EFL1: variants seen among roughly 807,000 people sequenced by gnomAD.
The protein encoded by EFL1 is elongation factor like GTPase 1, also known as elongation factor-like GTPase 1.
Under a neutral mutation model 126.7 loss-of-function variants are expected in EFL1, and 76 were observed. That is an observed-to-expected ratio of 0.60 (90% CI 0.50 to 0.73). The LOEUF (loss-of-function observed/expected upper bound fraction) is 0.73. Ranked by LOEUF, EFL1 falls within the 30% of genes least tolerant of loss-of-function variation. The pLI, the probability that EFL1 is intolerant of heterozygous loss-of-function variation, is 0.00. For synonymous variants in EFL1, 410 were observed against 448.4 expected (o/e 0.91, Z 1.08); for missense variants, 1,128 against 1,343.2 (o/e 0.84, Z 2.50).
intron 15 of EFL1, among the ~76,000 whole-genome samples, chr15:82,194,736 C>T (rs1336300203): frequency 1.3e-5 from 2 of 152,140 alleles, no homozygotes; most frequent in Non-Finnish European, 2.9e-5. Flanking sequence ...CGTTGTAAGG[C>T]CTCCCTAGTT....
intron 18 of EFL1, among the ~76,000 whole-genome samples, chr15:82,140,487 T>A (rs1472476841): frequency 2.0e-5 from 3 of 152,334 alleles, no homozygotes; most frequent in East Asian, 3.9e-4. Context: ...CTCCTGAACT[T>A]CTTCTTATGA....
chr15:82,244,777 A>G (rs372070868), intron 4 of EFL1, among the ~76,000 whole-genome samples: 81 of 152,266 alleles, frequency 5.3e-4, no homozygotes, highest in African/African-American at 1.9e-3. Context: ...TGTCACTAGG[A>G]CCTGCCAAAA....
intron 19 of EFL1, among the ~76,000 whole-genome samples, chr15:82,134,806 G>C (rs150174958): frequency 6.6e-6 from 1 of 152,246 alleles, no homozygotes; most frequent in Admixed American, 6.5e-5. Flanking sequence ...TTCATAGAAG[G>C]GTAAAACATA....
At chr15:82,198,587 G>A (rs1252904832) in intron 15 of EFL1, among the ~76,000 whole-genome samples, 2 of 152,130 alleles carry the variant, frequency 1.3e-5, no homozygotes, top group African/African-American at 4.8e-5. Flanking sequence ...GGGCACAGAG[G>A]GTACTGAAAA....
Position 82,151,800 on chromosome 15 carries a change from T to A in EFL1, c.2654A>T (p.Glu885Val). The A allele has an allele frequency of 6.2e-7, 1 of 1,614,108 alleles. No individual in the cohort carries two copies. Among genetic ancestry groups the A allele is most frequent in the South Asian group, 1.1e-5 (1 of 91,074 alleles). The change falls in exon 18 of 20, where the codon GAG becomes GTG. Residue 885 changes from glutamate to valine, a missense_variant. Physicochemically the swap from Glu to Val is moderately radical, Grantham distance 121. Around this residue, in one of 6 missense-constraint regions of EFL1, gnomAD observed 561 missense variants for 641.7 expected, o/e 0.87. Coordinates refer to ENST00000268206, the MANE Select transcript of EFL1 (RefSeq NM_024580.6). ...AACAAAACAGACACCCATGAGAGGC[T>A]CCTCACACATGGGGCCAGAGAGGGT... ...LATLSGPMCE[E>V]PLMGVCFVLE...
intron 12 of EFL1, among the ~76,000 whole-genome samples, chr15:82,221,808 C>T (rs144923527): frequency 0.017 from 2,649 of 152,292 alleles, 98 homozygotes; most frequent in Admixed American, 0.07. Context: ...CTTTCAAATA[C>T]AGAATGAACT....
At chr15:82,173,907 G>C (rs887471753) in intron 15 of EFL1, among the ~76,000 whole-genome samples, 25 of 151,710 alleles carry the variant, frequency 1.6e-4, no homozygotes, top group Non-Finnish European at 3.4e-4. Flanking sequence ...AAATACATTT[G>C]GGCCAGGCGC....
chr15:82,197,239 T>C (rs940319740), intron 15 of EFL1, among the ~76,000 whole-genome samples: 2 of 152,188 alleles, frequency 1.3e-5, no homozygotes, highest in Non-Finnish European at 2.9e-5. Context: ...CTAAAAAAAA[T>C]GTTCCTCTTT....
At chr15:82,204,461 G>T (rs2074503557) in intron 15 of EFL1, among the ~76,000 whole-genome samples, 3 of 151,822 alleles carry the variant, frequency 2.0e-5, no homozygotes, top group African/African-American at 7.3e-5. Flanking sequence ...ATCAATTTAT[G>T]GGCGTAAGAG....
rs1452841525 is a variant in EFL1 at position 82,227,467 on chromosome 15, G to C, written c.1175C>G (p.Thr392Ser). Residue 392 changes from threonine to serine, a missense_variant, in exon 11 of 20, where the codon ACT (threonine) becomes AGT (serine). Around this residue, in one of 6 missense-constraint regions of EFL1, gnomAD observed 316 missense variants for 318.5 expected, o/e 0.99. Coordinates refer to ENST00000268206, the MANE Select transcript of EFL1 (RefSeq NM_024580.6). ...TTCCTCACCTGCTTTCAGTGCTTGA[G>C]TTTCTGGTGGAAAAGAGTCAAAAGT... ...SQTFDSFPPE[T>S]QALKAAFMKC... The C allele has an allele frequency of 6.2e-7, 1 of 1,613,996 alleles. No individual in the cohort carries two copies. The highest frequency in any genetic ancestry group is 8.5e-7 in the Non-Finnish European group (1 of 1,180,006).
chr15:82,250,032 G>A (rs1373004831), intron 4 of EFL1, among the ~76,000 whole-genome samples: 3 of 152,038 alleles, frequency 2.0e-5, no homozygotes, highest in Non-Finnish European at 4.4e-5. Flanking sequence ...ATTCGAAGTG[G>A]GTGAGAAGGA....
At chr15:82,226,616 G>A (rs1324130310) in intron 11 of EFL1, among the ~76,000 whole-genome samples, 2 of 152,184 alleles carry the variant, frequency 1.3e-5, no homozygotes, top group Non-Finnish European at 2.9e-5. Flanking sequence ...CAGTTGAGAT[G>A]CTTCTTAGAC....
intron 12 of EFL1, among the ~76,000 whole-genome samples, chr15:82,222,082 A>G (rs2074717965): frequency 6.6e-6 from 1 of 152,258 alleles, no homozygotes; most frequent in Non-Finnish European, 1.5e-5. Flanking sequence ...TTTTATTATT[A>G]GAGTAGGAAG....
chr15:82,186,651 G>C (rs1252249180), intron 15 of EFL1, among the ~76,000 whole-genome samples: 1 of 152,154 alleles, frequency 6.6e-6, no homozygotes, highest in Non-Finnish European at 1.5e-5. Flanking sequence ...TTTAACAACT[G>C]GTTAACAAAT....
chr15:82,211,777 C>G (rs1391503479), intron 15 of EFL1, among the ~76,000 whole-genome samples: 4 of 152,108 alleles, frequency 2.6e-5, no homozygotes, highest in Admixed American at 2.0e-4. Context: ...AAAAGTAATT[C>G]TATGACTTTG....
chr15:82,206,130 G>C (rs1250929004), intron 15 of EFL1, among the ~76,000 whole-genome samples: 1 of 151,976 alleles, frequency 6.6e-6, no homozygotes, highest in Non-Finnish European at 1.5e-5. Flanking sequence ...ATGATAAAGA[G>C]AATATAGCAT....
At chr15:82,258,471 A>G (rs2075085167) in intron 3 of EFL1, among the ~76,000 whole-genome samples, 1 of 152,158 alleles carries the variant, frequency 6.6e-6, no homozygotes, top group South Asian at 2.1e-4. Flanking sequence ...GGATCACCTG[A>G]GCCCAACAGG....
At chr15:82,249,324 T>C (rs2075000707) in intron 4 of EFL1, among the ~76,000 whole-genome samples, 1 of 151,454 alleles carries the variant, frequency 6.6e-6, no homozygotes, top group Non-Finnish European at 1.5e-5. Context: ...GAAATATACA[T>C]ACATATATAC....
Position 82,151,619 on chromosome 15 carries a change from T to C in EFL1, c.2835A>G (p.Lys945=). Reference sequence around the variant, plus strand: ...AGCAGTCAGTGAGTGGAGATTCTCCTTTCTGTGATGTCCTCTTCTCAAAGG... The same window carrying C: ...AGCAGTCAGTGAGTGGAGATTCTCCCTTCTGTGATGTCCTCTTCTCAAAGG... ...SEAFEKRTSQ[K]GESPLTDCYG... The change falls in exon 18 of 20, where the codon AAA becomes AAG. Residue 945 remains lysine, a synonymous_variant. Coordinates refer to ENST00000268206, the MANE Select transcript of EFL1 (RefSeq NM_024580.6). The C allele has an allele frequency of 6.2e-7, 1 of 1,614,158 alleles. No homozygotes were observed. Among genetic ancestry groups the C allele is most frequent in the Non-Finnish European group, 8.5e-7 (1 of 1,180,010 alleles).
Sources: gnomAD v4.1 joint callset for allele counts (sites outside exome capture counted in the v4.1 genomes callset) on GRCh38, gnomAD v4.1.1 for gene constraint, gnomAD v4.1.1 regional missense constraint, MANE v1.5 for transcripts, NCBI Gene and HGNC (gene_info 2026-07-23, HGNC 2026-07-21) for gene names.